Variants in DST observed in about 807,000 individuals in gnomAD.
DST encodes dystonin, also known as bullous pemphigoid antigen.
DST carries 253 observed loss-of-function variants against 875.2 expected under a neutral mutation model. The ratio of observed to expected loss-of-function variants is 0.29; its 90% CI spans 0.26 to 0.32. DST has a LOEUF of 0.32. Among genes scored for constraint, DST ranks in the 10% least tolerant of loss-of-function variants. The pLI, the probability that DST is intolerant of heterozygous loss-of-function variation, is 1.00. For synonymous variants in DST, 3,124 were observed against 3,197.1 expected, an observed-to-expected ratio of 0.98 and a Z score of 0.77; for missense variants, 8,287 against 9,111.6, an observed-to-expected ratio of 0.91 and a Z score of 3.68.
intron 5 of DST, among the ~76,000 whole-genome samples, chr6:56,728,041 A>T (rs1304727183): frequency 6.6e-6 from 1 of 152,196 alleles, no homozygotes; most frequent in African/African-American, 2.4e-5. Context: ...AATAAATGGC[A>T]TTGACAGTGG....
intron 3 of DST, among the ~76,000 whole-genome samples, chr6:56,885,598 G>C (rs1784365295): frequency 6.6e-6 from 1 of 152,064 alleles, no homozygotes; most frequent in Non-Finnish European, 1.5e-5. Flanking sequence ...TATGTCATGG[G>C]GGCTCACCAT....
intron 4 of DST, among the ~76,000 whole-genome samples, chr6:56,793,261 G>T (rs1353913950): frequency 1.3e-5 from 2 of 151,864 alleles, no homozygotes; most frequent in East Asian, 3.9e-4. Flanking sequence ...GTTGAAAATG[G>T]TATTATGATT....
chr6:56,877,706 C>T (rs932023178), intron 3 of DST, among the ~76,000 whole-genome samples: 4 of 151,978 alleles, frequency 2.6e-5, no homozygotes, highest in African/African-American at 9.7e-5. Flanking sequence ...AACTGATATC[C>T]CATAGGCTGG....
At chr6:56,824,719 C>T (rs1434190832) in intron 4 of DST, among the ~76,000 whole-genome samples, 1 of 151,808 alleles carries the variant, frequency 6.6e-6, no homozygotes, top group Non-Finnish European at 1.5e-5. Context: ...GTGAGGAGAC[C>T]CTCTGCCTGG....
chr6:56,953,731 T>C (rs1169571691), intron 2 of DST, 54 bp downstream of exon 2: 2 of 1,242,748 alleles, frequency 1.6e-6, no homozygotes, highest in Non-Finnish European at 2.1e-6. Context: ...TTAATATTGG[T>C]ACTCAGGAAA....
rs563411787 is a variant in DST, at chr6:56,476,218, A to G, written c.21795T>C (p.Leu7265=). Residue 7265 remains leucine (L), a synonymous_variant, in exon 92 of 104, where the codon CTT becomes CTC. Coordinates refer to ENST00000680361, the MANE Select transcript of DST (RefSeq NM_001374736.1). ...GGATGACTTCTTTATCCTTATCAGT[A>G]AGTGTAGTTTCAGCCCATTGCAACC... ...LAWLQWAETT[L]TDKDKEVIPQ... 1 of 1,612,870 alleles carries G rather than the reference A, an allele frequency of 6.2e-7. No homozygotes were observed. The highest frequency in any genetic ancestry group is 1.1e-5 in the South Asian group (1 of 90,728).
chr6:56,797,162 T>C (rs564797103), intron 4 of DST, among the ~76,000 whole-genome samples: 1 of 152,320 alleles, frequency 6.6e-6, no homozygotes, highest in East Asian at 1.9e-4. Context: ...CACTGATCTT[T>C]AAGGTTACTC....
intron 49 of DST, among the ~76,000 whole-genome samples, chr6:56,583,588 C>A (rs1012461702): frequency 7.2e-5 from 11 of 152,140 alleles, no homozygotes; most frequent in Admixed American, 1.3e-4. Flanking sequence ...TGTGCAGAAG[C>A]TCTTTAGTTT....
chr6:56,793,703 A>AT (rs1352186646), intron 4 of DST, among the ~76,000 whole-genome samples: 1 of 152,196 alleles, frequency 6.6e-6, no homozygotes, highest in Non-Finnish European at 1.5e-5. Context: ...GAATGTACAT[A>AT]TTGTCTCGGA....
At chr6:56,622,468 C>T (rs1455580794) in intron 36 of DST, among the ~76,000 whole-genome samples, 2 of 149,360 alleles carry the variant, frequency 1.3e-5, no homozygotes, top group Non-Finnish European at 3.0e-5. Flanking sequence ...CCCAGCTACT[C>T]GGAAGGCTGA....
chr6:56,609,300 T>C lies in DST; in HGVS notation c.5328A>G (p.Glu1776=). 6.2e-7 allele frequency: 1 copy of C among 1,613,230 alleles called. No individual in the cohort carries two copies. Among genetic ancestry groups the C allele is most frequent in the Non-Finnish European group, 8.5e-7 (1 of 1,179,576 alleles). The change falls in exon 40 of 104, where the codon GAA becomes GAG. Residue 1776 remains glutamate, a synonymous_variant. Coordinates refer to ENST00000680361, the MANE Select transcript of DST (RefSeq NM_001374736.1). ...AAACTGCTTGAAAGACTGAAAGGAC[T>C]TCTCCAGTTGTCTGATCAATGGTGC... The part of the protein sequence containing the change: ...IAGTIDQTTG[E]VLSVFQAVLR...
intron 4 of DST, among the ~76,000 whole-genome samples, chr6:56,783,088 A>T (rs2099697559): frequency 6.6e-6 from 1 of 152,074 alleles, no homozygotes; most frequent in Non-Finnish European, 1.5e-5. Context: ...GGTCTGAGAG[A>T]CAGTTTGTTA....
At chr6:56,869,035 C>A (rs999335961) in intron 3 of DST, among the ~76,000 whole-genome samples, 1 of 152,176 alleles carries the variant, frequency 6.6e-6, no homozygotes, top group Admixed American at 6.5e-5. Flanking sequence ...AAAAGCTATG[C>A]CTTGGCAGAC....
chr6:56,779,451 T>A (rs1393551391), intron 4 of DST, among the ~76,000 whole-genome samples: 12 of 152,102 alleles, frequency 7.9e-5, no homozygotes, highest in Non-Finnish European at 1.5e-5. Context: ...AGACATGAAG[T>A]CCTTGCCCAT....
intron 15 of DST, among the ~76,000 whole-genome samples, chr6:56,643,612 T>C (rs1053424596): frequency 7.9e-5 from 12 of 152,238 alleles, no homozygotes; most frequent in African/African-American, 2.2e-4. Flanking sequence ...TCGCAATACA[T>C]AGACAATGCC....
intron 4 of DST, among the ~76,000 whole-genome samples, chr6:56,812,050 T>A (rs776827579): frequency 2.1e-5 from 3 of 144,086 alleles, no homozygotes; most frequent in Non-Finnish European, 4.5e-5. Flanking sequence ...TGCAGTGAAC[T>A]GAGATCACAC....
At chr6:56,947,477 T>C (rs1398358613) in intron 2 of DST, among the ~76,000 whole-genome samples, 2 of 152,086 alleles carry the variant, frequency 1.3e-5, no homozygotes, top group Non-Finnish European at 2.9e-5. Context: ...CTCCATCTCC[T>C]GATCTTGTGA....
intron 61 of DST, among the ~76,000 whole-genome samples, chr6:56,548,041 T>C (rs2097258184): frequency 1.3e-5 from 2 of 152,222 alleles, no homozygotes; most frequent in South Asian, 4.1e-4. Flanking sequence ...AAATAAACTG[T>C]AAGCAGGTTC....
chr6:56,919,081 T>C (rs796371289), intron 2 of DST, among the ~76,000 whole-genome samples: 17 of 152,272 alleles, frequency 1.1e-4, no homozygotes, highest in African/African-American at 3.4e-4. Context: ...GTATTTCTTA[T>C]TGATTTGAGA....
Sources: gnomAD v4.1 joint callset for allele counts (sites outside exome capture counted in the v4.1 genomes callset) on GRCh38, gnomAD v4.1.1 for gene constraint, MANE v1.5 for transcripts, NCBI Gene and HGNC (gene_info 2026-07-23, HGNC 2026-07-21) for gene names.